The following EYS variants were observed in gnomAD, a reference collection of about 807,000 sequenced individuals.
The protein encoded by EYS is protein eyes shut homolog.
EYS carries 250 observed loss-of-function variants against 282.1 expected under a neutral mutation model. The observed-to-expected ratio is 0.89, with a 90% CI of 0.80 to 0.98. The LOEUF is 0.98. Ranked by LOEUF, EYS falls within the 50% of genes least tolerant of loss-of-function variation. The pLI, the probability that EYS is intolerant of heterozygous loss-of-function variation, is 0.00. For synonymous variants in EYS, 1,355 were observed against 1,282.9 expected, an observed-to-expected ratio of 1.06 and a Z score of -1.20; for missense variants, 4,016 against 3,709.0, an observed-to-expected ratio of 1.08 and a Z score of -2.15.
chr6:64,230,912 A>G, intron 30 of EYS, 88 bp from the exon 31 acceptor site: 1 of 785,394 alleles, frequency 1.3e-6, no homozygotes, highest in Non-Finnish European at 2.0e-6. Context: ...GATTTAATAT[A>G]AGAGAAAATG....
At chr6:64,346,123 C>G (rs1049209382) in intron 29 of EYS, among the ~76,000 whole-genome samples, 1 of 152,020 alleles carries the variant, frequency 6.6e-6, no homozygotes, top group African/African-American at 2.4e-5. Flanking sequence ...ACTAGTTCAA[C>G]CATTGTGGAA....
chr6:65,016,419 G>C (rs1240049271), intron 13 of EYS, among the ~76,000 whole-genome samples: 1 of 152,172 alleles, frequency 6.6e-6, no homozygotes, highest in Non-Finnish European at 1.5e-5. Flanking sequence ...GTCTTCATAT[G>C]AGTCTAGTAG....
chr6:64,668,350 T>C lies in EYS; in HGVS notation c.3444-42105A>G, dbSNP rs531057328. 1.1e-4 allele frequency among the ~76,000 whole-genome samples: 16 copies of C among 152,220 alleles called. No individual in the cohort carries two copies. The East Asian group carries it at 3.1e-3, about 29-fold the overall frequency. ...ACGTACAGAAAAGTGCGAATTACCT[T>C]CAAAATATACTTCACAAAAAGGTCC... On this transcript the variant is annotated intron_variant, in intron 22 of 42. Coordinates refer to ENST00000503581, the MANE Select transcript of EYS (RefSeq NM_001142800.2).
Position 63,984,469 on chromosome 6 carries a change from A to T in EYS, c.6969T>A (p.Asp2323Glu). The change falls in exon 35 of 43, where the codon GAT (aspartate) becomes GAA (glutamate). Residue 2323 changes from aspartate to glutamate, a missense_variant. Physicochemically the swap from Asp to Glu is conservative, Grantham distance 45. Coordinates refer to ENST00000503581, the MANE Select transcript of EYS (RefSeq NM_001142800.2). ...QVNNKEFFII[D>E]EARHGKNIEN... ...CAATATTCTTTCCATGTCGTGCTTC[A>T]TCGATGATGAAGAATTCTTTGTTGT... The T allele has an allele frequency of 6.5e-7, 1 of 1,549,806 alleles. No homozygotes were observed. Among genetic ancestry groups the T allele is most frequent in the Non-Finnish European group, 8.7e-7 (1 of 1,145,634 alleles).
intron 2 of EYS, among the ~76,000 whole-genome samples, chr6:65,555,823 T>TA (rs1249669161): frequency 4.6e-5 from 7 of 152,306 alleles, no homozygotes; most frequent in Non-Finnish European, 7.3e-5. Context: ...GCTGTAAGTA[T>TA]AAAAAATGCA....
At chr6:65,206,656 C>A (rs1562022302) in intron 12 of EYS, among the ~76,000 whole-genome samples, 1 of 151,678 alleles carries the variant, frequency 6.6e-6, no homozygotes, top group Non-Finnish European at 1.5e-5. Flanking sequence ...CTGAATCTGA[C>A]ATCAAAAAGA....
rs191407869 is a variant in EYS, at chr6:63,810,186, G to A, written c.7229-3814C>T. 7.4e-3 allele frequency among the ~76,000 whole-genome samples: 1,117 copies of A among 150,582 alleles called. 19 individuals carry two copies. Among genetic ancestry groups the A allele is most frequent in the African/African-American group, 0.026 (1,047 of 40,994 alleles). ...TGAGGCAGGAAAATCACTTGAATCC[G>A]CGAGACGGAGGTTGCAGTGAGCCGA... On this transcript the variant is annotated intron_variant, in intron 36 of 42. Transcript: ENST00000503581.
chr6:64,713,654 G>T (rs1322295651), intron 22 of EYS, among the ~76,000 whole-genome samples: 1 of 152,078 alleles, frequency 6.6e-6, no homozygotes, highest in East Asian at 1.9e-4. Context: ...CATGTTTTCA[G>T]AAGGGCAAGA....
intron 7 of EYS, among the ~76,000 whole-genome samples, chr6:65,386,026 T>C (rs1347456604): frequency 6.6e-6 from 1 of 151,926 alleles, no homozygotes; most frequent in African/African-American, 2.4e-5. Flanking sequence ...TCGGGCTTAC[T>C]TTGTGTTGCA....
At chr6:64,505,173 C>T (rs1015393786) in intron 26 of EYS, among the ~76,000 whole-genome samples, 3 of 152,114 alleles carry the variant, frequency 2.0e-5, no homozygotes, top group African/African-American at 7.2e-5. Context: ...CCATTGATTC[C>T]TCTTTTGGAT....
chr6:65,610,627 T>C (rs1488832641), intron 2 of EYS, among the ~76,000 whole-genome samples: 1 of 152,094 alleles, frequency 6.6e-6, no homozygotes. Flanking sequence ...CCTCTGTCTC[T>C]GACAATATTT....
At chr6:65,161,073 G>A (rs1241130293) in intron 12 of EYS, among the ~76,000 whole-genome samples, 2 of 150,878 alleles carry the variant, frequency 1.3e-5, no homozygotes, top group Non-Finnish European at 3.0e-5. Context: ...AAATTTTGGT[G>A]TATATTTTAT....
chr6:64,999,015 T>C (rs1771368042), intron 13 of EYS, among the ~76,000 whole-genome samples: 1 of 152,180 alleles, frequency 6.6e-6, no homozygotes, highest in South Asian at 2.1e-4. Context: ...AAAAGGTCAC[T>C]TTGAACAAAC....
At chr6:65,423,805 T>C (rs1434819400) in intron 5 of EYS, among the ~76,000 whole-genome samples, 2 of 152,020 alleles carry the variant, frequency 1.3e-5, no homozygotes, top group Non-Finnish European at 2.9e-5. Flanking sequence ...CTGAGAAATT[T>C]ACTTAAGATA....
At chr6:64,718,486 A>G (rs539559759) in intron 22 of EYS, among the ~76,000 whole-genome samples, 60 of 152,296 alleles carry the variant, frequency 3.9e-4, no homozygotes, top group African/African-American at 1.4e-3. Flanking sequence ...CTTAATGTAT[A>G]TGCAATGCAC....
chr6:64,536,096 T>C (rs1562047255), intron 26 of EYS, among the ~76,000 whole-genome samples: 1 of 152,106 alleles, frequency 6.6e-6, no homozygotes, highest in Non-Finnish European at 1.5e-5. Flanking sequence ...TTTTAGCATC[T>C]ATTTTTATAT....
chr6:65,008,200 C>A (rs758350747), intron 13 of EYS, among the ~76,000 whole-genome samples: 1 of 152,022 alleles, frequency 6.6e-6, no homozygotes, highest in Non-Finnish European at 1.5e-5. Flanking sequence ...CACTATAACA[C>A]GGGGAAAGGA....
chr6:64,322,502 C>T (rs1770251947), intron 29 of EYS, among the ~76,000 whole-genome samples: 2 of 151,902 alleles, frequency 1.3e-5, no homozygotes, highest in African/African-American at 4.8e-5. Context: ...GAAGCAAGGA[C>T]TTGAGGGGCC....
intron 2 of EYS, among the ~76,000 whole-genome samples, chr6:65,594,463 A>G (rs1351727867): frequency 6.6e-6 from 1 of 152,080 alleles, no homozygotes; most frequent in African/African-American, 2.4e-5. Context: ...TATGATTCAA[A>G]CTTAGTTACA....
Sources: allele counts gnomAD v4.1 joint callset (sites outside exome capture counted in the v4.1 genomes callset), GRCh38; gene constraint gnomAD v4.1.1; transcripts MANE v1.5; gene names NCBI Gene and HGNC (gene_info 2026-07-23, HGNC 2026-07-21).